The following PHACTR4 variants were observed in gnomAD, a reference collection of about 807,000 sequenced individuals.
PHACTR4 encodes the protein phosphatase and actin regulator 4.
Under a neutral mutation model 72.7 loss-of-function variants are expected in PHACTR4, and 51 were observed. The observed-to-expected ratio is 0.70, with a 90% confidence interval of 0.56 to 0.89. The LOEUF is 0.89. PHACTR4 is among the 40% of genes least tolerant of loss of function. The probability of loss-of-function intolerance (pLI) is 0.00; values close to 1 mark genes in which losing one functional copy is unlikely to be tolerated. For missense variants in PHACTR4, 731 were observed against 861.8 expected (o/e 0.85, Z 1.90); for synonymous variants, 255 against 302.5 (o/e 0.84, Z 1.63).
At chr1:28,423,462 G>A (rs918864696) in intron 2 of PHACTR4, among the ~76,000 whole-genome samples, 1 of 150,984 alleles carries the variant, frequency 6.6e-6, no homozygotes, top group African/African-American at 2.5e-5. Context: ...TAAATATCTT[G>A]CGCTCTCATA....
At chr1:28,479,394 G>A (rs549712708) in intron 8 of PHACTR4, among the ~76,000 whole-genome samples, 16 of 148,184 alleles carry the variant, frequency 1.1e-4, no homozygotes, top group Non-Finnish European at 1.9e-4. Context: ...CACTCCAGCC[G>A]GGGTCACAGA....
Position 28,394,584 on chromosome 1 carries a change from C to G in PHACTR4, c.-38-12826C>G, listed in dbSNP as rs994391345. ...AGGATTACAGGTGTGAGCCACCTCTCCTGGCCATCTTTTCTTTTTTTTTTT... is the reference window on the plus strand; with the variant it reads ...AGGATTACAGGTGTGAGCCACCTCTGCTGGCCATCTTTTCTTTTTTTTTTT... On this transcript the variant is annotated intron_variant, in intron 1 of 13. Transcript: ENST00000373839. 2.7e-5 allele frequency among the ~76,000 whole-genome samples: 4 copies of G among 150,740 alleles called. No individual in the cohort carries two copies. The Admixed American group carries it at 2.7e-4, about 10-fold the overall frequency.
intron 1 of PHACTR4, among the ~76,000 whole-genome samples, chr1:28,377,752 G>T (rs1651796222): frequency 6.6e-6 from 1 of 151,018 alleles, no homozygotes; most frequent in African/African-American, 2.4e-5. Context: ...GATTGCCTGA[G>T]CCTGGAAGGT....
At chr1:28,414,332 C>T (rs530778374) in intron 2 of PHACTR4, among the ~76,000 whole-genome samples, 3 of 150,472 alleles carry the variant, frequency 2.0e-5, no homozygotes, top group East Asian at 3.9e-4. Flanking sequence ...TACCAAAGTG[C>T]TGAGATTACA....
intron 1 of PHACTR4, among the ~76,000 whole-genome samples, chr1:28,399,701 C>G (rs1019625737): frequency 2.0e-5 from 3 of 151,856 alleles, no homozygotes; most frequent in Admixed American, 2.0e-4. Context: ...TTGGGAGAGA[C>G]ACAATAAGAA....
chr1:28,481,991 G>A (rs1015525887), intron 9 of PHACTR4, among the ~76,000 whole-genome samples: 1 of 151,834 alleles, frequency 6.6e-6, no homozygotes. Context: ...TCTGCCTCCC[G>A]GGTTCAAGTG....
At chr1:28,445,106 C>T (rs1489743655) in intron 2 of PHACTR4, among the ~76,000 whole-genome samples, 1 of 151,566 alleles carries the variant, frequency 6.6e-6, no homozygotes, top group African/African-American at 2.4e-5. Context: ...AGGCGCCTGC[C>T]AGCATGCCCG....
intron 2 of PHACTR4, among the ~76,000 whole-genome samples, chr1:28,455,757 T>C (rs923238964): frequency 6.6e-6 from 1 of 152,070 alleles, no homozygotes; most frequent in African/African-American, 2.4e-5. Flanking sequence ...TTGGAAATAA[T>C]GTACTGTTTG....
intron 2 of PHACTR4, among the ~76,000 whole-genome samples, chr1:28,428,082 G>A (rs1055745992): frequency 1.3e-5 from 2 of 152,064 alleles, no homozygotes; most frequent in Admixed American, 6.6e-5. Flanking sequence ...ATATTGAATC[G>A]GTTAAATCAT....
chr1:28,428,606 A>G (rs1206011472), intron 2 of PHACTR4, among the ~76,000 whole-genome samples: 1 of 152,226 alleles, frequency 6.6e-6, no homozygotes, highest in African/African-American at 2.4e-5. Context: ...TTTTAAACAT[A>G]TACATTACTT....
intron 2 of PHACTR4, among the ~76,000 whole-genome samples, chr1:28,450,906 G>A (rs934433193): frequency 6.7e-6 from 1 of 150,050 alleles, no homozygotes; most frequent in Admixed American, 6.7e-5. Flanking sequence ...TGCCTCCCGG[G>A]TTCAAGAGAT....
intron 2 of PHACTR4, among the ~76,000 whole-genome samples, chr1:28,448,612 A>T (rs953529623): frequency 5.8e-5 from 8 of 138,062 alleles, no homozygotes; most frequent in African/African-American, 2.1e-4. Flanking sequence ...AAAAAAAAAA[A>T]TTAGCTGGGC....
intron 2 of PHACTR4, among the ~76,000 whole-genome samples, chr1:28,434,469 G>A (rs1025662084): frequency 1.3e-5 from 2 of 151,726 alleles, no homozygotes; most frequent in Admixed American, 6.6e-5. Flanking sequence ...CTACAGGCAC[G>A]TACCACCAAG....
Position 28,382,525 on chromosome 1 carries a change from G to A in PHACTR4, c.-39+12700G>A, listed in dbSNP as rs145274425. Among the ~76,000 whole-genome samples the A allele has an allele frequency of 5.0e-3, 757 of 151,822 alleles. 5 individuals are homozygous for A. Among genetic ancestry groups the A allele is most frequent in the African/African-American group, 0.017 (707 of 41,440 alleles). On this transcript the variant is annotated intron_variant, in intron 1 of 13. Transcript: ENST00000373839. ...TCACCGTGCTAGCCGGGATGGTCTC[G>A]ATCTCCTGACCTCGTGATCCGCCCG...
intron 2 of PHACTR4, among the ~76,000 whole-genome samples, chr1:28,417,020 G>A (rs1655146305): frequency 1.3e-5 from 2 of 151,716 alleles, no homozygotes; most frequent in African/African-American, 4.8e-5. Flanking sequence ...GATGAAACTG[G>A]TAATTTTCTT....
intron 13 of PHACTR4, among the ~76,000 whole-genome samples, chr1:28,493,968 T>TA (rs1661185395): frequency 6.6e-6 from 1 of 152,200 alleles, no homozygotes; most frequent in Non-Finnish European, 1.5e-5. Context: ...GATTTGGAAT[T>TA]ACGGTTGTGA....
chr1:28,388,844 C>T (rs1652784166), intron 1 of PHACTR4, among the ~76,000 whole-genome samples: 1 of 151,070 alleles, frequency 6.6e-6, no homozygotes, highest in African/African-American at 2.4e-5. Flanking sequence ...AGCCAGACTC[C>T]ATCTCAAAAA....
intron 2 of PHACTR4, among the ~76,000 whole-genome samples, chr1:28,411,958 A>G (rs375419480): frequency 1.3e-5 from 2 of 152,212 alleles, no homozygotes; most frequent in African/African-American, 4.8e-5. Context: ...CTGGAAATAA[A>G]AGTAGTGAGG....
At chr1:28,384,493 G>A (rs1652419192) in intron 1 of PHACTR4, among the ~76,000 whole-genome samples, 3 of 152,076 alleles carry the variant, frequency 2.0e-5, no homozygotes, top group Admixed American at 2.0e-4. Flanking sequence ...TATTTCTGTG[G>A]GGTCAGTGGT....
Sources: allele counts gnomAD v4.1 joint callset (sites outside exome capture counted in the v4.1 genomes callset), GRCh38; gene constraint gnomAD v4.1.1; transcripts MANE v1.5; gene names NCBI Gene and HGNC (gene_info 2026-07-23, HGNC 2026-07-21).